PIEZO2: variants seen among roughly 807,000 people sequenced by gnomAD.
PIEZO2 encodes the protein piezo type mechanosensitive ion channel component 2, also known as piezo-type mechanosensitive ion channel component 2.
A neutral mutation model predicts 337.3 loss-of-function variants in PIEZO2; 172 were observed. The observed-to-expected ratio is 0.51, with a 90% CI of 0.45 to 0.58. The LOEUF (loss-of-function observed/expected upper bound fraction) is 0.58, where lower values mean the gene tolerates loss of function less well. PIEZO2 is among the 20% of genes least tolerant of loss of function. The pLI is 0.00. For missense variants in PIEZO2, 3,028 were observed against 3,391.3 expected, an observed-to-expected ratio of 0.89 and a Z score of 2.66; for synonymous variants, 1,251 against 1,228.5, an observed-to-expected ratio of 1.02 and a Z score of -0.38.
intron 5 of PIEZO2, among the ~76,000 whole-genome samples, chr18:10,869,439 G>A (rs567371358): frequency 9.0e-4 from 137 of 152,124 alleles, no homozygotes; most frequent in Non-Finnish European, 1.6e-3. Flanking sequence ...CACTTTCTGC[G>A]CATGAATCCC....
intron 39 of PIEZO2, chr18:10,709,580 T>G (rs2143825463): frequency 6.6e-6 from 1 of 152,402 alleles, no homozygotes; most frequent in African/African-American, 2.4e-5. Flanking sequence ...GTGCCTGGCC[T>G]GCACAGCCAT....
chr18:10,883,999 T>A (rs917662621), intron 4 of PIEZO2, among the ~76,000 whole-genome samples: 3 of 151,870 alleles, frequency 2.0e-5, no homozygotes, highest in African/African-American at 7.3e-5. Context: ...TTTTAGTAGA[T>A]ACGGGGTTTC....
intron 36 of PIEZO2, among the ~76,000 whole-genome samples, chr18:10,720,234 G>C (rs1054761708): frequency 3.3e-5 from 4 of 119,920 alleles, no homozygotes; most frequent in Non-Finnish European, 6.7e-5. Flanking sequence ...GTGTGTGTGT[G>C]TATATATATA....
Position 10,742,527 on chromosome 18 carries a change from C to A in PIEZO2, c.4603G>T (p.Asp1535Tyr), listed in dbSNP as rs2144168498. ...SLTQEPGEGQ[D>Y]MQKLSEEDDE... ...TCCTCTTCAGAGAGTTTTTGCATGT[C>A]CTGGCCTTCCCCTGGCTCCTGGGTC... The change falls in exon 32 of 56, where the codon GAC becomes TAC. Residue 1535 changes from aspartate (D) to tyrosine (Y), a missense_variant. Asp to Tyr is a radical substitution (Grantham distance 160). This residue lies in a region of PIEZO2 where 1,925 missense variants were observed against 2,051.9 expected (regional missense o/e 0.94). Transcript: ENST00000674853. 1 of 1,537,128 alleles carries A rather than the reference C, an allele frequency of 6.5e-7. No individual in the cohort carries two copies. Among genetic ancestry groups the A allele is most frequent in the South Asian group, 1.2e-5 (1 of 84,050 alleles).
intron 9 of PIEZO2, among the ~76,000 whole-genome samples, chr18:10,802,388 T>G (rs2039854190): frequency 6.6e-6 from 1 of 152,174 alleles, no homozygotes; most frequent in South Asian, 2.1e-4. Context: ...TACGAGAAAT[T>G]AGACCAGGTA....
chr18:10,967,927 T>C (rs1025763352), intron 3 of PIEZO2, among the ~76,000 whole-genome samples: 2 of 152,116 alleles, frequency 1.3e-5, no homozygotes, highest in Admixed American at 6.6e-5. Context: ...ATTATTATTA[T>C]TACTTTGCTG....
chr18:11,075,713 T>C (rs1383971360), intron 1 of PIEZO2, among the ~76,000 whole-genome samples: 2 of 152,080 alleles, frequency 1.3e-5, no homozygotes, highest in Admixed American at 1.3e-4. Flanking sequence ...ACGTAGCACC[T>C]GTGTCAGATT....
At chr18:11,138,124 AAAAC>A in intron 1 of PIEZO2, among the ~76,000 whole-genome samples, 1 of 152,376 alleles carries the variant, frequency 6.6e-6, no homozygotes, top group East Asian at 1.9e-4. Flanking sequence ...TGAGATGTTC[AAAAC>A]AAAAATTAGT....
intron 3 of PIEZO2, among the ~76,000 whole-genome samples, chr18:10,930,790 T>C (rs1032319438): frequency 2.0e-5 from 3 of 152,212 alleles, no homozygotes; most frequent in Admixed American, 2.0e-4. Context: ...TAAAGATAAA[T>C]TTTTTTGAAA....
At chr18:11,079,505 C>G (rs989007495) in intron 1 of PIEZO2, among the ~76,000 whole-genome samples, 8 of 152,192 alleles carry the variant, frequency 5.3e-5, no homozygotes, top group African/African-American at 1.9e-4. Context: ...AGCCAAACTC[C>G]CCTATTAGTG....
intron 36 of PIEZO2, among the ~76,000 whole-genome samples, 192 bp downstream of exon 36, chr18:10,731,215 A>ATATATATATG (rs1290190163): frequency 1.6e-5 from 2 of 128,722 alleles, no homozygotes; most frequent in African/African-American, 5.9e-5. Flanking sequence ...ATATATATAT[A>ATATATATATG]TATCTCCTAA....
rs573097522 is a variant in PIEZO2, at chr18:11,132,109, C to T, written c.64+16416G>A. Among the ~76,000 whole-genome samples the T allele has an allele frequency of 1.3e-5, 2 of 152,290 alleles. No homozygotes were observed. The highest frequency in any genetic ancestry group is 4.2e-4 in the South Asian group (2 of 4,818). On this transcript the variant is annotated intron_variant, in intron 1 of 55. Coordinates refer to ENST00000674853, the MANE Select transcript of PIEZO2 (RefSeq NM_001378183.1). This position sits in a 1 kb window ranked among gnomAD's most constrained non-coding sequence, Gnocchi z 4.7. Reference sequence around the variant, plus strand: ...TGGTGGCTGGTTGATTATATTGGACCTCTTCCAACATGGAAAGAGGAGAGA... The same window carrying T: ...TGGTGGCTGGTTGATTATATTGGACTTCTTCCAACATGGAAAGAGGAGAGA...
At chr18:11,037,968 T>C (rs1306815802) in intron 2 of PIEZO2, among the ~76,000 whole-genome samples, 1 of 152,216 alleles carries the variant, frequency 6.6e-6, no homozygotes, top group Non-Finnish European at 1.5e-5. Context: ...AATAAGACTC[T>C]GAGTAAGAAC....
rs1359998017 is a variant in PIEZO2, at chr18:10,943,507, G to A, written c.287-32279C>T. ...ATGGGGCCTGTAGCACCTTAGTTTT[G>A]GCCAATTTCTGCCATTTGGAATGGC... On this transcript the variant is annotated intron_variant, in intron 3 of 55. Transcript: ENST00000674853. The surrounding 1 kb of genome is among the most constrained non-coding windows in gnomAD (Gnocchi z 4.5). 1.3e-5 allele frequency among the ~76,000 whole-genome samples: 2 copies of A among 152,054 alleles called. No homozygotes were observed. The highest frequency in any genetic ancestry group is 2.9e-5 in the Non-Finnish European group (2 of 68,016).
chr18:10,892,873 G>A (rs1568172446), intron 4 of PIEZO2, among the ~76,000 whole-genome samples: 1 of 152,230 alleles, frequency 6.6e-6, no homozygotes, highest in Admixed American at 6.5e-5. Flanking sequence ...ATATGTAGCT[G>A]TTGAAAATAA....
rs2032668070 is a variant in PIEZO2, at chr18:10,940,493, C to T, written c.287-29265G>A. 6.6e-6 allele frequency among the ~76,000 whole-genome samples: 1 copy of T among 152,214 alleles called. No individual in the cohort carries two copies. The highest frequency in any genetic ancestry group is 1.5e-5 in the Non-Finnish European group (1 of 68,038). Reference sequence around the variant, plus strand: ...GGTATCCTTGTAGTTCTTTCTAGAACTAGGATCAGGACTTTATGAAGAATA... The same window carrying T: ...GGTATCCTTGTAGTTCTTTCTAGAATTAGGATCAGGACTTTATGAAGAATA... On this transcript the variant is annotated intron_variant, in intron 3 of 55. Coordinates refer to ENST00000674853, the MANE Select transcript of PIEZO2 (RefSeq NM_001378183.1). The surrounding 1 kb of genome is among the most constrained non-coding windows in gnomAD (Gnocchi z 5.3).
Position 10,907,159 on chromosome 18 carries a change from T to C in PIEZO2, c.329+4027A>G, listed in dbSNP as rs2030016239. Among the ~76,000 whole-genome samples, 6 of 152,120 alleles carry C rather than the reference T, an allele frequency of 3.9e-5. No individual in the cohort carries two copies. In the South Asian group the frequency reaches 1.2e-3, roughly 32 times the overall value. On this transcript the variant is annotated intron_variant, in intron 4 of 55. Coordinates refer to ENST00000674853, the MANE Select transcript of PIEZO2 (RefSeq NM_001378183.1). ...GCATTAATCATTGAATTAAGAAAGA[T>C]GGTCTGAGCATGGTGGTTCACGCCT...
chr18:10,921,774 T>A (rs2031425089), intron 3 of PIEZO2, among the ~76,000 whole-genome samples: 1 of 152,154 alleles, frequency 6.6e-6, no homozygotes, highest in Non-Finnish European at 1.5e-5. Flanking sequence ...ATTCTTTTTC[T>A]CAGCAAGGAA....
chr18:11,059,373 A>G (rs1184438312), intron 2 of PIEZO2, among the ~76,000 whole-genome samples: 1 of 152,220 alleles, frequency 6.6e-6, no homozygotes, highest in African/African-American at 2.4e-5. Flanking sequence ...ACCAGCTAAC[A>G]TCATAATGAC....
Sources: allele counts gnomAD v4.1 joint callset (sites outside exome capture counted in the v4.1 genomes callset), GRCh38; gene constraint gnomAD v4.1.1; regional missense constraint gnomAD v4.1.1; non-coding constraint Gnocchi (gnomAD v3.1); transcripts MANE v1.5; gene names NCBI Gene and HGNC (gene_info 2026-07-23, HGNC 2026-07-21).